NINJ2: variants seen among roughly 807,000 people sequenced by gnomAD.
The protein encoded by NINJ2 is ninjurin-2.
Under a neutral mutation model 11.7 loss-of-function variants are expected in NINJ2, and 12 were observed. That is an observed-to-expected ratio of 1.02 (90% CI 0.66 to 1.66). The LOEUF is 1.66. NINJ2 is among the 40% of genes most tolerant of loss of function. The pLI is 0.00. For synonymous variants in NINJ2, 93 were observed against 76.8 expected, an observed-to-expected ratio of 1.21 and a Z score of -1.10; for missense variants, 187 against 181.8, an observed-to-expected ratio of 1.03 and a Z score of -0.16.
chr12:641,047 T>G (rs1295913489), intron 1 of NINJ2: 1 of 152,220 alleles, frequency 6.6e-6, no homozygotes, highest in Non-Finnish European at 1.5e-5. Context: ...CAGGCGGTTT[T>G]CAGGCTGTTC....
intron 1 of NINJ2, among the ~76,000 whole-genome samples, chr12:573,780 C>A (rs114810719): frequency 0.017 from 2,655 of 152,246 alleles, 93 homozygotes; most frequent in African/African-American, 0.06. Flanking sequence ...TGAGCCCCTG[C>A]ACTGCTGCCT....
At chr12:639,479 CTCT>C (rs1948394156) in intron 1 of NINJ2, among the ~76,000 whole-genome samples, 1 of 80,906 alleles carries the variant, frequency 1.2e-5, no homozygotes, top group Non-Finnish European at 2.7e-5. Flanking sequence ...GTTGAAGGTG[CTCT>C]TCTTTTTTTC....
At position 619,569 on chromosome 12, in the gene NINJ2, G is replaced by A. The variant is rs76897822; in HGVS notation, c.33+43759C>T. ...GTAAAGAACGCTGTGTCCTCCAAGG[G>A]TGGCATATTGCCTGCGGAGTCCTCC... On this transcript the variant is annotated intron_variant, in intron 1 of 3. Coordinates refer to ENST00000305108, the MANE Select transcript of NINJ2 (RefSeq NM_016533.6). 4.3e-3 allele frequency among the ~76,000 whole-genome samples: 649 copies of A among 152,308 alleles called. 33 individuals are homozygous for A. The East Asian group carries it at 0.11, about 25-fold the overall frequency.
chr12:649,885 G>A (rs1451306813), intron 1 of NINJ2, among the ~76,000 whole-genome samples: 3 of 151,866 alleles, frequency 2.0e-5, no homozygotes, highest in Non-Finnish European at 4.4e-5. Flanking sequence ...TTAGCATTTT[G>A]ATATTCCCTT....
intron 1 of NINJ2, among the ~76,000 whole-genome samples, chr12:588,207 A>G (rs916096149): frequency 6.6e-5 from 9 of 136,752 alleles, no homozygotes; most frequent in African/African-American, 8.5e-5. Flanking sequence ...AGGGGACGGA[A>G]GGGACGGAGG....
chr12:622,580 C>A (rs1388096274), intron 1 of NINJ2, among the ~76,000 whole-genome samples: 1 of 152,058 alleles, frequency 6.6e-6, no homozygotes, highest in African/African-American at 2.4e-5. Flanking sequence ...TTTCCTACTG[C>A]ACACGTTTGC....
intron 1 of NINJ2, among the ~76,000 whole-genome samples, chr12:634,583 A>C (rs1320487422): frequency 6.6e-6 from 1 of 151,928 alleles, no homozygotes; most frequent in East Asian, 1.9e-4. Context: ...TTTCTTCTGC[A>C]GTAAAGGCCA....
chr12:648,466 C>T (rs184803096), intron 1 of NINJ2, among the ~76,000 whole-genome samples: 7 of 152,340 alleles, frequency 4.6e-5, no homozygotes, highest in Admixed American at 2.0e-4. Context: ...AAACATCACA[C>T]GTCTCTGGAC....
chr12:583,419 A>G (rs1947587079), intron 1 of NINJ2, among the ~76,000 whole-genome samples: 1 of 152,264 alleles, frequency 6.6e-6, no homozygotes, highest in South Asian at 2.1e-4. Flanking sequence ...GCCACCAAAC[A>G]GATATCCAGT....
intron 1 of NINJ2, among the ~76,000 whole-genome samples, chr12:612,940 C>T (rs1307881536): frequency 6.6e-6 from 1 of 152,188 alleles, no homozygotes; most frequent in East Asian, 1.9e-4. Flanking sequence ...TGAATCAATC[C>T]ATGGGTCTTC....
intron 1 of NINJ2, among the ~76,000 whole-genome samples, chr12:618,371 T>C (rs888923490): frequency 2.0e-4 from 4 of 19,554 alleles, no homozygotes; most frequent in African/African-American, 8.5e-4. Flanking sequence ...GGTAATGAGG[T>C]GGGGGTGAGG....
chr12:594,918 G>A (rs1014042397), intron 1 of NINJ2, among the ~76,000 whole-genome samples: 10 of 152,072 alleles, frequency 6.6e-5, no homozygotes, highest in African/African-American at 1.9e-4. Context: ...GACACCACCC[G>A]ACTTCAAGAC....
rs1235886248 is a variant in NINJ2, at chr12:565,204, C to T, written c.*18+13G>A. The T allele has an allele frequency of 6.3e-7, 1 of 1,593,432 alleles. No individual in the cohort carries two copies. The highest frequency in any genetic ancestry group is 1.3e-5 in the African/African-American group (1 of 74,572). On this transcript the variant is annotated intron_variant, in intron 3 of 3. Coordinates refer to ENST00000305108, the MANE Select transcript of NINJ2 (RefSeq NM_016533.6). ...GGAGTCCCTGGAGCTGGGGTTCCTC[C>T]ATCCTCCCTCACCTGGGTCCCAGGC...
At chr12:610,662 C>G (rs924985094) in intron 1 of NINJ2, 1 of 983,910 alleles carries the variant, frequency 1.0e-6, no homozygotes, top group Non-Finnish European at 1.2e-6. Flanking sequence ...AAGGAGACAA[C>G]TTCAACTCAA....
chr12:598,974 A>G (rs892043027), intron 1 of NINJ2, among the ~76,000 whole-genome samples: 4 of 151,220 alleles, frequency 2.6e-5, no homozygotes, highest in African/African-American at 9.7e-5. Flanking sequence ...TGCTGGGATT[A>G]CAGGCGTGAG....
At chr12:609,210 ACG>A (rs1297778846) in intron 1 of NINJ2, among the ~76,000 whole-genome samples, 8 of 124,924 alleles carry the variant, frequency 6.4e-5, no homozygotes, top group Admixed American at 2.4e-4. Context: ...GCACGGCGCC[ACG>A]CGCTAGGGGC....
intron 1 of NINJ2, among the ~76,000 whole-genome samples, chr12:651,607 A>C (rs942289644): frequency 2.6e-5 from 4 of 152,254 alleles, no homozygotes; most frequent in Non-Finnish European, 4.4e-5. Context: ...GAGAAGAGCA[A>C]GCATTAGAAC....
intron 1 of NINJ2, among the ~76,000 whole-genome samples, chr12:594,307 T>A (rs1323803986): frequency 2.0e-5 from 3 of 152,216 alleles, no homozygotes; most frequent in Non-Finnish European, 4.4e-5. Context: ...AGATCATCAA[T>A]GAATAAGTGG....
chr12:601,350 T>G (rs952510671), intron 1 of NINJ2, among the ~76,000 whole-genome samples: 41 of 147,214 alleles, frequency 2.8e-4, no homozygotes, highest in South Asian at 6.6e-4. Context: ...ATCGAGACCA[T>G]CCTGGCTAAC....
Sources: allele counts gnomAD v4.1 joint callset (sites outside exome capture counted in the v4.1 genomes callset), GRCh38; gene constraint gnomAD v4.1.1; transcripts MANE v1.5; gene names NCBI Gene and HGNC (gene_info 2026-07-23, HGNC 2026-07-21).